The following CARMIL2 variants were observed in gnomAD, a reference collection of about 807,000 sequenced individuals.
CARMIL2 encodes capping protein regulator and myosin 1 linker 2, also known as capping protein, Arp2/3 and myosin-I linker protein 2.
A neutral mutation model predicts 173.3 loss-of-function variants in CARMIL2; 96 were observed. That is an observed-to-expected ratio of 0.55 (90% CI 0.47 to 0.66). CARMIL2 has a LOEUF of 0.66. CARMIL2 is among the 30% of genes least tolerant of loss of function. CARMIL2 has a pLI of 0.00. For missense variants in CARMIL2, 1,771 were observed against 1,906.7 expected (o/e 0.93, Z 1.33); for synonymous variants, 830 against 817.1 (o/e 1.02, Z -0.27).
chr16:67,653,064 G>A lies in CARMIL2; in HGVS notation c.2930G>A (p.Gly977Glu). 7.9e-7 allele frequency: 1 copy of A among 1,266,062 alleles called. No homozygotes were observed. Among genetic ancestry groups the A allele is most frequent in the Non-Finnish European group, 1.0e-6 (1 of 995,762 alleles). The allele number at this position is 1,266,062 out of a possible 1,614,324, so 78.4% of individuals were successfully genotyped here. A position where few individuals can be genotyped will look rare whatever the true frequency, so the allele number is the denominator to read the frequency against. ...AEPEPELAAP[G>E]EDAEPQAGPS... Reference sequence around the variant, plus strand: ...CCGGAGCCCGAGCTGGCGGCTCCGGGAGAAGATGCAGAGCCGCAGGCGGGG... The same window carrying A: ...CCGGAGCCCGAGCTGGCGGCTCCGGAAGAAGATGCAGAGCCGCAGGCGGGG... The change falls in exon 29 of 38, where the codon GGA (glycine) becomes GAA (glutamate). Residue 977 changes from glycine (G) to glutamate (E), a missense_variant. Physicochemically the swap from Gly to Glu is moderately conservative, Grantham distance 98. Coordinates refer to ENST00000334583, the MANE Select transcript of CARMIL2 (RefSeq NM_001013838.3). The surrounding 1 kb of genome is among the most constrained non-coding windows in gnomAD (Gnocchi z 7.4).
rs1038290739 is a variant in CARMIL2 at position 67,656,279 on chromosome 16, G to A, written c.3794G>A (p.Arg1265His). 7 of 1,613,826 alleles carry A rather than the reference G, an allele frequency of 4.3e-6. No homozygotes were observed. The highest frequency in any genetic ancestry group is 2.2e-5 in the East Asian group (1 of 44,902). The change falls in exon 34 of 38, where the codon CGC becomes CAC. Residue 1265 changes from arginine to histidine, a missense_variant. Arg to His is a conservative substitution (Grantham distance 29, BLOSUM62 0). This residue lies in a region of CARMIL2 where 817 missense variants were observed against 903.5 expected (regional missense o/e 0.90). Transcript: ENST00000334583. Reference protein sequence around the residue: ...TEAPPISIKSRTHSVSADPSC... With the variant: ...TEAPPISIKSHTHSVSADPSC... ...GCCCCTCCCATCTCGATCAAGTCCC[G>A]CACCCACTCTGTGTCTGCTGGTGAG...
In CARMIL2 at chr16:67,651,279, C is replaced by A. The variant is rs371306942; in HGVS notation, c.2277C>A (p.Ala759=). 9 of 1,613,458 alleles carry A rather than the reference C, an allele frequency of 5.6e-6. No individual in the cohort carries two copies. Among genetic ancestry groups the A allele is most frequent in the Non-Finnish European group, 6.8e-6 (8 of 1,179,872 alleles). The change falls in exon 23 of 38, where the codon GCC becomes GCA. Residue 759 remains alanine, a synonymous_variant. Coordinates refer to ENST00000334583, the MANE Select transcript of CARMIL2 (RefSeq NM_001013838.3). The surrounding 1 kb of genome is among the most constrained non-coding windows in gnomAD (Gnocchi z 4.2). Reference sequence around the variant, plus strand: ...AGGGTGAAGCCGCTGTGCGCCAGGCCGAGGATGCCATCCAAAATGCCAACT... The same window carrying A: ...AGGGTGAAGCCGCTGTGCGCCAGGCAGAGGATGCCATCCAAAATGCCAACT... ...GPQGEAAVRQ[A]EDAIQNANFS... is the part of the protein sequence containing the mutation.
rs543643072 is a variant in CARMIL2, at chr16:67,655,397, A to G, written c.3705+497A>G. 8.5e-5 allele frequency among the ~76,000 whole-genome samples: 13 copies of G among 152,326 alleles called. No homozygotes were observed. The South Asian group carries it at 2.7e-3, about 32-fold the overall frequency. ...GTGAGCCTAGATCGTGCCACTACAC[A>G]CTAGCCTGGACAACAAGAGTGAGAC... On this transcript the variant is annotated intron_variant, in intron 32 of 37. Coordinates refer to ENST00000334583, the MANE Select transcript of CARMIL2 (RefSeq NM_001013838.3).
rs773827131 is a variant in CARMIL2 at position 67,648,392 on chromosome 16, C to A, written c.1335-6C>A. 1 of 1,535,036 alleles carries A rather than the reference C, an allele frequency of 6.5e-7. No individual in the cohort carries two copies. Among genetic ancestry groups the A allele is most frequent in the Admixed American group, 2.0e-5 (1 of 49,860 alleles). On this transcript the variant is annotated splice_region_variant and splice_polypyrimidine_tract_variant and intron_variant, in intron 14 of 37. Coordinates refer to ENST00000334583, the MANE Select transcript of CARMIL2 (RefSeq NM_001013838.3). The surrounding 1 kb of genome is among the most constrained non-coding windows in gnomAD (Gnocchi z 6.1). ...GGCCCCAGGCCCACCTTCCCACTTC[C>A]CCCAGGAAGTCCCGCGCCGCGCCGG...
Position 67,646,698 on chromosome 16 carries a change from C to T in CARMIL2, c.467-16C>T. On this transcript the variant is annotated splice_polypyrimidine_tract_variant and intron_variant, in intron 6 of 37. Transcript: ENST00000334583. The surrounding 1 kb of genome is among the most constrained non-coding windows in gnomAD (Gnocchi z 4.6). Reference sequence around the variant, plus strand: ...TCTCTCTCCTTTTCCACATCGCACCCCTATCCCCTCCCCAGGTGGCTTCTT... The same window carrying T: ...TCTCTCTCCTTTTCCACATCGCACCTCTATCCCCTCCCCAGGTGGCTTCTT... The T allele has an allele frequency of 6.2e-7, 1 of 1,613,676 alleles. No individual in the cohort carries two copies. The highest frequency in any genetic ancestry group is 8.5e-7 in the Non-Finnish European group (1 of 1,179,620).
At position 67,651,773 on chromosome 16, in the gene CARMIL2, T is replaced by A; in HGVS notation, c.2516T>A (p.Val839Asp). 1 of 1,606,814 alleles carries A rather than the reference T, an allele frequency of 6.2e-7. No homozygotes were observed. The highest frequency in any genetic ancestry group is 8.5e-7 in the Non-Finnish European group (1 of 1,177,340). Residue 839 changes from valine to aspartate, a missense_variant, in exon 25 of 38, where the codon GTC becomes GAC. Val to Asp is a radical substitution (Grantham distance 152, BLOSUM62 -3). Around this residue, in one of 3 missense-constraint regions of CARMIL2, gnomAD observed 817 missense variants for 903.5 expected, o/e 0.90. Coordinates refer to ENST00000334583, the MANE Select transcript of CARMIL2 (RefSeq NM_001013838.3). This position sits in a 1 kb window ranked among gnomAD's most constrained non-coding sequence, Gnocchi z 4.2. ...AGCTGGAGGGAGCAGCTAGAGGGGG[T>A]CCTGGCAGGCTCGAGGGGCCTCCCG... ...GSSWREQLEGVLAGSRGLPEL... is the reference protein window; with the variant it reads ...GSSWREQLEGDLAGSRGLPEL...
chr16:67,649,066 T>C lies in CARMIL2; in HGVS notation c.1592-10T>C, dbSNP rs1567630094. ...AACTTCGCCTCGTGCGTGACCCGAG[T>C]CACCCCCAGGCTTCGGCTCAGACAT... On this transcript the variant is annotated splice_polypyrimidine_tract_variant and intron_variant, in intron 17 of 37. Coordinates refer to ENST00000334583, the MANE Select transcript of CARMIL2 (RefSeq NM_001013838.3). The surrounding 1 kb of genome is among the most constrained non-coding windows in gnomAD (Gnocchi z 6.7). The C allele has an allele frequency of 6.2e-7, 1 of 1,611,206 alleles. No homozygotes were observed. The highest frequency in any genetic ancestry group is 2.2e-5 in the East Asian group (1 of 44,796).
chr16:67,656,790 G>A lies in CARMIL2; in HGVS notation c.4037-11G>A, dbSNP rs1413211476. 8 of 1,551,488 alleles carry A rather than the reference G, an allele frequency of 5.2e-6. No homozygotes were observed. Among genetic ancestry groups the A allele is most frequent in the Non-Finnish European group, 6.1e-6 (7 of 1,147,492 alleles). ...CTGTTGGAATACCCCTGATTCCCTG[G>A]CCTCCCTCAGATGGCCAGCTGAGGC... is the stretch of plus-strand genomic sequence containing the variant. On this transcript the variant is annotated splice_polypyrimidine_tract_variant and intron_variant, in intron 35 of 37. Coordinates refer to ENST00000334583, the MANE Select transcript of CARMIL2 (RefSeq NM_001013838.3).
chr16:67,649,196 G>C lies in CARMIL2; in HGVS notation c.1688+24G>C, dbSNP rs1482302199. The C allele has an allele frequency of 6.2e-7, 1 of 1,612,876 alleles. No homozygotes were observed. The highest frequency in any genetic ancestry group is 2.2e-5 in the East Asian group (1 of 44,862). ...AAGTGAGCCCCCACCCTACTCCTGG[G>C]CCTCCCAGACAACACCCCACCACCC... On this transcript the variant is annotated intron_variant, in intron 18 of 37. Transcript: ENST00000334583. The surrounding 1 kb of genome is among the most constrained non-coding windows in gnomAD (Gnocchi z 6.7).
Position 67,651,766 on chromosome 16 carries a change from G to C in CARMIL2, c.2509G>C (p.Glu837Gln), listed in dbSNP as rs777668713. The stretch of plus-strand genomic sequence containing the variant: ...GGGATCCAGCTGGAGGGAGCAGCTA[G>C]AGGGGGTCCTGGCAGGCTCGAGGGG... ...LQGSSWREQLEGVLAGSRGLP... is the reference protein window; with the variant it reads ...LQGSSWREQLQGVLAGSRGLP... Residue 837 changes from glutamate to glutamine, a missense_variant, in exon 25 of 38, where the codon GAG becomes CAG. Physicochemically the swap from Glu to Gln is conservative, Grantham distance 29. Coordinates refer to ENST00000334583, the MANE Select transcript of CARMIL2 (RefSeq NM_001013838.3). The surrounding 1 kb of genome is among the most constrained non-coding windows in gnomAD (Gnocchi z 4.2). 2 of 1,606,896 alleles carry C rather than the reference G, an allele frequency of 1.2e-6. No individual in the cohort carries two copies. Among genetic ancestry groups the C allele is most frequent in the Admixed American group, 3.4e-5 (2 of 58,564 alleles).
chr16:67,654,082 G>GGGC, intron 29 of CARMIL2, 67 bp from the exon 30 acceptor site: 1 of 208,996 alleles, frequency 4.8e-6, no homozygotes, highest in Non-Finnish European at 6.9e-6. Flanking sequence ...CTGCCGGCCG[G>GGGC]GGGGGGGGGG....
In CARMIL2 at chr16:67,656,055, G is replaced by C; in HGVS notation, c.3730G>C (p.Ala1244Pro). Reference protein sequence around the residue: ...KQSKDGEIKKAGSDGDIMDSS... With the variant: ...KQSKDGEIKKPGSDGDIMDSS... ...GAGCAAAGATGGCGAGATCAAGAAA[G>C]CTGGCTCAGATGGTAAGTGGGACCC... The change falls in exon 33 of 38, where the codon GCT becomes CCT. Residue 1244 changes from alanine (A) to proline (P), a missense_variant. By Grantham distance (27) the Ala-to-Pro change is conservative. Around this residue, in one of 3 missense-constraint regions of CARMIL2, gnomAD observed 817 missense variants for 903.5 expected, o/e 0.90. Coordinates refer to ENST00000334583, the MANE Select transcript of CARMIL2 (RefSeq NM_001013838.3). The C allele has an allele frequency of 5.0e-6, 8 of 1,603,122 alleles. No individual in the cohort carries two copies. Among genetic ancestry groups the C allele is most frequent in the Non-Finnish European group, 6.8e-6 (8 of 1,174,800 alleles).
rs557350135 is a variant in CARMIL2 at position 67,650,077 on chromosome 16, G to A, written c.2111G>A (p.Arg704His). The change falls in exon 22 of 38, where the codon CGC becomes CAC. Residue 704 changes from arginine (R) to histidine (H), a missense_variant. Around this residue, in one of 3 missense-constraint regions of CARMIL2, gnomAD observed 944 missense variants for 975.6 expected, o/e 0.97. Transcript: ENST00000334583. ...CAAGCCTGTCTCTTGAGGAACAACC[G>A]CGCAGACCCTGCCTCTTCTGACCAC... The part of the protein sequence containing the change: ...QIQACLLRNN[R>H]ADPASSDHTT... The A allele has an allele frequency of 4.9e-5, 79 of 1,613,724 alleles. No individual in the cohort carries two copies. Among genetic ancestry groups the A allele is most frequent in the South Asian group, 2.5e-4 (23 of 91,072 alleles).
Position 67,648,386 on chromosome 16 carries a change from C to CA in CARMIL2, c.1335-11dup, listed in dbSNP as rs1178960680. The stretch of plus-strand genomic sequence containing the variant: ...CCTTGCGGCCCCAGGCCCACCTTCC[C>CA]ACTTCCCCCAGGAAGTCCCGCGCCG... On this transcript the variant is annotated splice_polypyrimidine_tract_variant and intron_variant, in intron 14 of 37. Transcript: ENST00000334583. The surrounding 1 kb of genome is among the most constrained non-coding windows in gnomAD (Gnocchi z 6.1). 3.3e-6 allele frequency: 5 copies of CA among 1,535,752 alleles called. No homozygotes were observed. In the African/African-American group the frequency reaches 4.1e-5, roughly 13 times the overall value.
rs944578047 is a variant in CARMIL2, at chr16:67,654,529, C to T, written c.3419C>T (p.Thr1140Ile). The T allele has an allele frequency of 3.1e-6, 5 of 1,611,640 alleles. No homozygotes were observed. In the African/African-American group the frequency reaches 4.0e-5, roughly 13 times the overall value. Residue 1140 changes from threonine (T) to isoleucine (I), a missense_variant, in exon 31 of 38, where the codon ACC (threonine) becomes ATC (isoleucine). Thr to Ile is a moderately conservative substitution (Grantham distance 89). Around this residue, in one of 3 missense-constraint regions of CARMIL2, gnomAD observed 817 missense variants for 903.5 expected, o/e 0.90. Transcript: ENST00000334583. ...TTTGGCGACCTACTGCGGCCGCCAACCCGTCCCAGCCGTGGTGAGGAGCTT... is the reference window on the plus strand; with the variant it reads ...TTTGGCGACCTACTGCGGCCGCCAATCCGTCCCAGCCGTGGTGAGGAGCTT... The part of the protein sequence containing the change: ...TTFGDLLRPP[T>I]RPSRGEELGG...
At chr16:67,656,140 C>T in intron 33 of CARMIL2, 73 bp downstream of exon 33, 2 of 1,606,140 alleles carry the variant, frequency 1.2e-6, no homozygotes, top group Admixed American at 1.7e-5. Flanking sequence ...AAGGCACTTG[C>T]TCTCCTTGGG....
rs763473398 is a variant in CARMIL2 at position 67,654,141 on chromosome 16, C to T, written c.3121-8C>T. 27 of 1,533,096 alleles carry T rather than the reference C, an allele frequency of 1.8e-5. No individual in the cohort carries two copies. The highest frequency in any genetic ancestry group is 8.4e-5 in the South Asian group (7 of 83,568). 95.0% of individuals were successfully genotyped at this position (1,533,096 alleles called of 1,614,324 possible). A position where few individuals can be genotyped will look rare whatever the true frequency, so the allele number is the denominator to read the frequency against. ...AACCCTGACCCCTGACCCCATGATGCCCCCCAGGTACCCCCAGCCTTGCCG... is the reference window on the plus strand; with the variant it reads ...AACCCTGACCCCTGACCCCATGATGTCCCCCAGGTACCCCCAGCCTTGCCG... On this transcript the variant is annotated splice_region_variant and splice_polypyrimidine_tract_variant and intron_variant, in intron 29 of 37. Transcript: ENST00000334583.
Position 67,647,544 on chromosome 16 carries a change from A to G in CARMIL2, c.813A>G (p.Gly271=). ...FVRRLAQALA[G]HSSSGLRELS... Reference sequence around the variant, plus strand: ...GACGACTGGCCCAGGCGCTGGCGGGACACTCAAGCTCTGGGCTGCGGGAGC... The same window carrying G: ...GACGACTGGCCCAGGCGCTGGCGGGGCACTCAAGCTCTGGGCTGCGGGAGC... Residue 271 remains glycine (G), a synonymous_variant, in exon 11 of 38, where the codon GGA becomes GGG. Transcript: ENST00000334583. 1 of 1,610,138 alleles carries G rather than the reference A, an allele frequency of 6.2e-7. No homozygotes were observed. The highest frequency in any genetic ancestry group is 8.5e-7 in the Non-Finnish European group (1 of 1,178,532).
In CARMIL2 at chr16:67,646,379, C is replaced by G. The variant is rs761598202; in HGVS notation, c.375-47C>G. On this transcript the variant is annotated intron_variant, in intron 5 of 37. Coordinates refer to ENST00000334583, the MANE Select transcript of CARMIL2 (RefSeq NM_001013838.3). This position sits in a 1 kb window ranked among gnomAD's most constrained non-coding sequence, Gnocchi z 4.6. ...TGCATGAGAAGGGCTGCTTCCCATC[C>G]CAGAGGCTGGAAGTCCTTTGCCCCC... 2 of 1,607,058 alleles carry G rather than the reference C, an allele frequency of 1.2e-6. No homozygotes were observed. Among genetic ancestry groups the G allele is most frequent in the Non-Finnish European group, 1.7e-6 (2 of 1,175,444 alleles).
Sources: gnomAD v4.1 joint callset for allele counts (sites outside exome capture counted in the v4.1 genomes callset) on GRCh38, gnomAD v4.1.1 for gene constraint, gnomAD v4.1.1 regional missense constraint, Gnocchi (gnomAD v3.1) non-coding constraint, MANE v1.5 for transcripts, NCBI Gene and HGNC (gene_info 2026-07-23, HGNC 2026-07-21) for gene names.